ZNF33B: variants seen among roughly 807,000 people sequenced by gnomAD.
The protein encoded by ZNF33B is zinc finger protein 11b (KOX 2).
A neutral mutation model predicts 45.8 loss-of-function variants in ZNF33B; 29 were observed. That is an observed-to-expected ratio of 0.63 (90% confidence interval 0.47 to 0.86). ZNF33B has a LOEUF of 0.86. Among genes scored for constraint, ZNF33B ranks in the 40% least tolerant of loss-of-function variants. ZNF33B has a pLI of 0.00. For missense variants in ZNF33B, 831 were observed against 909.9 expected (o/e 0.91, Z 1.12); for synonymous variants, 305 against 307.8 (o/e 0.99, Z 0.10).
At chr10:42,581,108 T>A (rs2132013770) in intron 1 of ZNF33B, among the ~76,000 whole-genome samples, 1 of 152,182 alleles carries the variant, frequency 6.6e-6, no homozygotes, top group South Asian at 2.1e-4. Context: ...GATCTGAGTT[T>A]CAGGCAGGCC....
intron 1 of ZNF33B, among the ~76,000 whole-genome samples, chr10:42,577,155 A>T (rs1485736642): frequency 6.7e-6 from 1 of 148,954 alleles, no homozygotes; most frequent in Non-Finnish European, 1.5e-5. Flanking sequence ...AAAAAAAAAA[A>T]ATTCCCAGTC....
chr10:42,598,730 C>T (rs1837499477), intron 4 of ZNF33B, among the ~76,000 whole-genome samples: 1 of 152,182 alleles, frequency 6.6e-6, no homozygotes, highest in Non-Finnish European at 1.5e-5. Flanking sequence ...TTGAAAAAGC[C>T]TGCCAGGGAT....
chr10:42,628,104 C>G (rs929192751), intron 4 of ZNF33B, among the ~76,000 whole-genome samples: 5 of 152,080 alleles, frequency 3.3e-5, no homozygotes, highest in African/African-American at 1.2e-4. Flanking sequence ...GGAACCTTTG[C>G]CTCCCAGTTC....
At chr10:42,635,351 G>A (rs1302726162) in intron 2 of ZNF33B, among the ~76,000 whole-genome samples, 2 of 152,164 alleles carry the variant, frequency 1.3e-5, no homozygotes, top group African/African-American at 4.8e-5. Flanking sequence ...ATGTAAATGA[G>A]TGAATGAGCA....
At chr10:42,629,988 T>C (rs546305936) in intron 4 of ZNF33B, among the ~76,000 whole-genome samples, 1 of 152,282 alleles carries the variant, frequency 6.6e-6, no homozygotes, top group Admixed American at 6.5e-5. Flanking sequence ...CTTAAGTGTT[T>C]CCCCTACATA....
At chr10:42,576,044 C>A (rs1301821393) in intron 1 of ZNF33B, among the ~76,000 whole-genome samples, 9 of 151,962 alleles carry the variant, frequency 5.9e-5, no homozygotes, top group Admixed American at 1.3e-4. Context: ...GTGCCTGCCA[C>A]CATGCCCAGC....
chr10:42,597,121 T>C (rs985482989), intron 4 of ZNF33B, among the ~76,000 whole-genome samples: 17 of 152,230 alleles, frequency 1.1e-4, no homozygotes, highest in African/African-American at 4.1e-4. Context: ...CAGAAATGGA[T>C]GCTAAATTTT....
intron 4 of ZNF33B, among the ~76,000 whole-genome samples, chr10:42,621,862 G>C (rs1292068822): frequency 6.6e-6 from 1 of 152,108 alleles, no homozygotes; most frequent in East Asian, 1.9e-4. Context: ...ACAAGAAAAA[G>C]AAAGAGAGGC....
intron 4 of ZNF33B, among the ~76,000 whole-genome samples, chr10:42,598,177 C>CCTTA (rs1367357456): frequency 6.6e-6 from 1 of 152,198 alleles, no homozygotes; most frequent in Non-Finnish European, 1.5e-5. Context: ...GCCTAGTGTG[C>CCTTA]CTTAACACAA....
chr10:42,608,142 G>A (rs1036449459), intron 4 of ZNF33B, among the ~76,000 whole-genome samples: 1 of 152,080 alleles, frequency 6.6e-6, no homozygotes, highest in Non-Finnish European at 1.5e-5. Context: ...AGGGTCAATC[G>A]ATAAAGGAGA....
intron 4 of ZNF33B, among the ~76,000 whole-genome samples, chr10:42,597,523 G>A (rs181635549): frequency 1.4e-4 from 22 of 152,046 alleles, no homozygotes; most frequent in Admixed American, 8.5e-4. Context: ...TTAAGTCATC[G>A]AAATTTATAT....
intron 4 of ZNF33B, among the ~76,000 whole-genome samples, chr10:42,622,578 G>A (rs1838637421): frequency 6.6e-6 from 1 of 152,142 alleles, no homozygotes; most frequent in South Asian, 2.1e-4. Flanking sequence ...TTCACTGGGA[G>A]AAAGAAAAGC....
rs1211069590 is a variant in ZNF33B, at chr10:42,596,264, A to G, written c.251-1565T>C. Among the ~76,000 whole-genome samples, 6 of 152,188 alleles carry G rather than the reference A, an allele frequency of 3.9e-5. No homozygotes were observed. The East Asian group carries it at 1.2e-3, about 29-fold the overall frequency. On this transcript the variant is annotated intron_variant, in intron 4 of 4. Coordinates refer to ENST00000359467, the MANE Select transcript of ZNF33B (RefSeq NM_006955.3). ...GAACCTGGGAAAACTGTTCAGCAAC[A>G]GTTTTCTCTAAAACATATCTTAATA...
intron 4 of ZNF33B, among the ~76,000 whole-genome samples, chr10:42,613,410 T>C (rs185619610): frequency 1.3e-5 from 2 of 152,214 alleles, no homozygotes; most frequent in African/African-American, 2.4e-5. Flanking sequence ...TGGCTGGGCA[T>C]GGTGGTAAGC....
intron 1 of ZNF33B, among the ~76,000 whole-genome samples, chr10:42,637,679 T>C (rs1839383467): frequency 6.6e-6 from 1 of 152,230 alleles, no homozygotes; most frequent in Admixed American, 6.5e-5. Context: ...TGTTTGTTTT[T>C]GAGACGGAGT....
At chr10:42,635,481 T>C (rs1271685682) in intron 2 of ZNF33B, among the ~76,000 whole-genome samples, 27 of 152,320 alleles carry the variant, frequency 1.8e-4, no homozygotes, top group Admixed American at 1.3e-3. Flanking sequence ...TTAAGTTCTA[T>C]ATTTAAAATG....
At chr10:42,623,206 G>A (rs1161405101) in intron 4 of ZNF33B, among the ~76,000 whole-genome samples, 1 of 152,238 alleles carries the variant, frequency 6.6e-6, no homozygotes, top group African/African-American at 2.4e-5. Flanking sequence ...GGCAGAGGCT[G>A]TGGTGAGCCG....
downstream of ZNF33B, among the ~76,000 whole-genome samples, chr10:42,588,137 T>A (rs577324588): frequency 1.3e-4 from 20 of 152,318 alleles, no homozygotes; most frequent in South Asian, 4.1e-3. Context: ...CAAGTGCTGA[T>A]CAGTTTGTGT....
intron 4 of ZNF33B, among the ~76,000 whole-genome samples, chr10:42,595,843 C>T (rs1837378951): frequency 6.6e-6 from 1 of 152,192 alleles, no homozygotes; most frequent in African/African-American, 2.4e-5. Flanking sequence ...AGAATTACAG[C>T]TTCCACAATT....
Sources: allele counts gnomAD v4.1 joint callset (sites outside exome capture counted in the v4.1 genomes callset), GRCh38; gene constraint gnomAD v4.1.1; transcripts MANE v1.5; gene names NCBI Gene and HGNC (gene_info 2026-07-23, HGNC 2026-07-21).